Variants in STAU2 observed in about 807,000 individuals in gnomAD.
STAU2 encodes double-stranded RNA-binding protein Staufen homolog 2.
Under a neutral mutation model 65.9 loss-of-function variants are expected in STAU2, and 20 were observed. The ratio of observed to expected loss-of-function variants is 0.30; its 90% CI spans 0.21 to 0.44. STAU2 has a LOEUF of 0.44. Ranked by LOEUF, STAU2 falls within the 20% of genes least tolerant of loss-of-function variation. The pLI, the probability that STAU2 is intolerant of heterozygous loss-of-function variation, is 1.00. For missense variants in STAU2, 558 were observed against 683.9 expected (o/e 0.82, Z 2.05); for synonymous variants, 232 against 233.9 (o/e 0.99, Z 0.07).
chr8:73,656,868 C>G (rs946210932), intron 6 of STAU2, among the ~76,000 whole-genome samples: 3 of 152,146 alleles, frequency 2.0e-5, no homozygotes, highest in African/African-American at 7.2e-5. Context: ...ACAAGAGACA[C>G]CAAAAACAGA....
intron 8 of STAU2, 93 bp from the exon 9 acceptor site, chr8:73,614,049 G>T: frequency 2.3e-6 from 2 of 884,572 alleles, no homozygotes; most frequent in Non-Finnish European, 3.3e-6. Flanking sequence ...ACCAAAATTA[G>T]TATTATGCCA....
rs187803319 is a variant in STAU2 at position 73,701,786 on chromosome 8, T to G, written c.114+7246A>C. Among the ~76,000 whole-genome samples the G allele has an allele frequency of 8.4e-4, 128 of 152,280 alleles. 1 individual carries two copies. Among genetic ancestry groups the G allele is most frequent in the African/African-American group, 2.9e-3 (122 of 41,570 alleles). The stretch of plus-strand genomic sequence containing the variant: ...TTGAAAAGATATCTACACTCCCATG[T>G]TTTTTAGGAGTGCTTACAATAGCTA... On this transcript the variant is annotated intron_variant, in intron 4 of 14. Transcript: ENST00000524300.
intron 13 of STAU2, among the ~76,000 whole-genome samples, chr8:73,503,751 CA>C: frequency 6.6e-6 from 1 of 152,004 alleles, no homozygotes; most frequent in East Asian, 1.9e-4. Context: ...GCATGTACTT[CA>C]GGGGAAGAAA....
intron 13 of STAU2, among the ~76,000 whole-genome samples, chr8:73,453,126 G>C (rs1454087191): frequency 6.6e-6 from 1 of 152,172 alleles, no homozygotes; most frequent in Non-Finnish European, 1.5e-5. Flanking sequence ...TCAAAGATAA[G>C]ACTTGCAGCT....
At chr8:73,612,162 C>A (rs1812522124) in intron 9 of STAU2, among the ~76,000 whole-genome samples, 1 of 152,048 alleles carries the variant, frequency 6.6e-6, no homozygotes. Flanking sequence ...TGGATATATT[C>A]ACATAAACAT....
chr8:73,745,366 G>C (rs6982331), intron 1 of STAU2, among the ~76,000 whole-genome samples: 148,067 of 152,340 alleles, frequency 0.97, 71,975 homozygotes, highest in East Asian at 1. Flanking sequence ...CACCGCAGCT[G>C]AGTTCACAAC....
At chr8:73,720,050 G>C (rs1215167876) in intron 3 of STAU2, among the ~76,000 whole-genome samples, 1 of 152,122 alleles carries the variant, frequency 6.6e-6, no homozygotes, top group Admixed American at 6.6e-5. Context: ...GCCAAAGCAA[G>C]AGGATCACTT....
chr8:73,457,494 C>A (rs2128897876), intron 13 of STAU2, among the ~76,000 whole-genome samples: 1 of 152,334 alleles, frequency 6.6e-6, no homozygotes, highest in East Asian at 1.9e-4. Flanking sequence ...ATTGGTGATG[C>A]TGTCACAAGG....
At chr8:73,488,817 A>G (rs1174073594) in intron 13 of STAU2, among the ~76,000 whole-genome samples, 2 of 152,046 alleles carry the variant, frequency 1.3e-5, no homozygotes, top group Non-Finnish European at 2.9e-5. Context: ...AAAAGAGAAT[A>G]AAACAATTAA....
In STAU2 at chr8:73,475,156, G is replaced by A. The variant is rs570325549; in HGVS notation, c.1531-52454C>T. 6.6e-5 allele frequency among the ~76,000 whole-genome samples: 10 copies of A among 152,316 alleles called. No individual in the cohort carries two copies. In the South Asian group the frequency reaches 2.1e-3, roughly 32 times the overall value. On this transcript the variant is annotated intron_variant, in intron 13 of 14. Coordinates refer to ENST00000524300, the MANE Select transcript of STAU2 (RefSeq NM_001164380.2). ...GGGATCATGGGGTGGGGGCTTCTGG[G>A]AGGCTAGCGTGTCTCCTGAGCAGGA...
At chr8:73,496,174 TTC>T (rs973328338) in intron 13 of STAU2, among the ~76,000 whole-genome samples, 1 of 151,310 alleles carries the variant, frequency 6.6e-6, no homozygotes, top group African/African-American at 2.4e-5. Context: ...CACTATAAAA[TTC>T]TGTCTCTCTT....
intron 13 of STAU2, among the ~76,000 whole-genome samples, chr8:73,524,285 A>G (rs73326756): frequency 0.016 from 2,506 of 152,250 alleles, 70 homozygotes; most frequent in African/African-American, 0.058. Context: ...TGGTCTGAGC[A>G]ACAAGGTAAT....
At chr8:73,476,204 C>T (rs183962937) in intron 13 of STAU2, among the ~76,000 whole-genome samples, 5 of 152,134 alleles carry the variant, frequency 3.3e-5, no homozygotes, top group African/African-American at 9.7e-5. Flanking sequence ...GCACCCAGAA[C>T]AGAATTTATC....
intron 13 of STAU2, among the ~76,000 whole-genome samples, chr8:73,530,348 G>C (rs971205622): frequency 6.6e-6 from 1 of 152,070 alleles, no homozygotes; most frequent in East Asian, 1.9e-4. Context: ...CCAACATTTA[G>C]GGCTAGGCTT....
At chr8:73,572,993 T>C (rs1045676584) in intron 12 of STAU2, among the ~76,000 whole-genome samples, 3 of 152,246 alleles carry the variant, frequency 2.0e-5, no homozygotes, top group South Asian at 2.1e-4. Context: ...GATTGTATAT[T>C]TAGAAAACCT....
chr8:73,444,594 C>A (rs999987472), intron 13 of STAU2, among the ~76,000 whole-genome samples: 1 of 152,238 alleles, frequency 6.6e-6, no homozygotes, highest in East Asian at 1.9e-4. Flanking sequence ...TACTCACTTG[C>A]TGAGGAATCT....
rs78188855 is a variant in STAU2 at position 73,537,277 on chromosome 8, A to G, written c.1530+14735T>C. The stretch of plus-strand genomic sequence containing the variant: ...ATCTAATCTGATGACTTGTGTCATC[A>G]GAGTCCCAGAAGGAAAAGAGATGAG... On this transcript the variant is annotated intron_variant, in intron 13 of 14. Coordinates refer to ENST00000524300, the MANE Select transcript of STAU2 (RefSeq NM_001164380.2). Among the ~76,000 whole-genome samples, 586 of 152,184 alleles carry G rather than the reference A, an allele frequency of 3.9e-3. 4 individuals carry two copies. Among genetic ancestry groups the G allele is most frequent in the African/African-American group, 0.014 (562 of 41,566 alleles).
At chr8:73,497,053 T>C (rs1821458608) in intron 13 of STAU2, among the ~76,000 whole-genome samples, 1 of 151,734 alleles carries the variant, frequency 6.6e-6, no homozygotes, top group Non-Finnish European at 1.5e-5. Context: ...TCAGGAAAGG[T>C]TCATTAATTC....
At chr8:73,745,197 C>T (rs1481509) in intron 1 of STAU2, among the ~76,000 whole-genome samples, 139,445 of 152,296 alleles carry the variant, frequency 0.92, 64,008 homozygotes, top group East Asian at 0.97. Flanking sequence ...AAATTTAATA[C>T]AGGCCTGCTG....
Sources: allele counts gnomAD v4.1 joint callset (sites outside exome capture counted in the v4.1 genomes callset), GRCh38; gene constraint gnomAD v4.1.1; transcripts MANE v1.5; gene names NCBI Gene and HGNC (gene_info 2026-07-23, HGNC 2026-07-21).